COL21A1: variants seen among roughly 807,000 people sequenced by gnomAD.
COL21A1 encodes the protein collagen type XXI alpha 1 chain, also known as collagen alpha-1(XXI) chain.
COL21A1 carries 149 observed loss-of-function variants against 137.9 expected under a neutral mutation model. That is an observed-to-expected ratio of 1.08 (90% confidence interval 0.95 to 1.24). The LOEUF is 1.24. Among genes scored for constraint, COL21A1 ranks in the 50% most tolerant of loss-of-function variants. COL21A1 has a pLI of 0.00. For synonymous variants in COL21A1, 456 were observed against 391.5 expected, an observed-to-expected ratio of 1.16 and a Z score of -1.95; for missense variants, 1,167 against 1,158.4, an observed-to-expected ratio of 1.01 and a Z score of -0.11.
rs539263203 is a variant in COL21A1 at position 56,229,572 on chromosome 6, A to T, written c.-39+17815T>A. On this transcript the variant is annotated intron_variant, in intron 1 of 29. Transcript: ENST00000244728. Reference sequence around the variant, plus strand: ...CCAAAAATTGTTGTGCCTTATAACAACAAACATTTATTTTTTGCTCATACT... The same window carrying T: ...CCAAAAATTGTTGTGCCTTATAACATCAAACATTTATTTTTTGCTCATACT... Among the ~76,000 whole-genome samples the T allele has an allele frequency of 2.0e-5, 3 of 152,042 alleles. No homozygotes were observed. The South Asian group carries it at 6.2e-4, about 32-fold the overall frequency.
intron 1 of COL21A1, among the ~76,000 whole-genome samples, chr6:56,378,249 G>A (rs1418684963): frequency 1.3e-5 from 2 of 152,094 alleles, no homozygotes; most frequent in Non-Finnish European, 2.9e-5. Context: ...GCCACAGTGG[G>A]GCCCCAAGAA....
At chr6:56,207,982 G>C (rs6904899) in intron 1 of COL21A1, among the ~76,000 whole-genome samples, 99,104 of 151,616 alleles carry the variant, frequency 0.65, 32,800 homozygotes, top group East Asian at 0.86. Flanking sequence ...AAATTCAACA[G>C]CCCTTCATGC....
At chr6:56,206,506 C>T (rs567532564) in intron 1 of COL21A1, among the ~76,000 whole-genome samples, 38 of 151,724 alleles carry the variant, frequency 2.5e-4, no homozygotes, top group Non-Finnish European at 5.4e-4. Context: ...TATTGGAGAC[C>T]TACCAAGAGA....
At chr6:56,388,313 G>A (rs939102122) in intron 1 of COL21A1, among the ~76,000 whole-genome samples, 7 of 152,156 alleles carry the variant, frequency 4.6e-5, no homozygotes, top group Non-Finnish European at 1.0e-4. Flanking sequence ...TACTGCATTG[G>A]CTTCAGGTGT....
intron 17 of COL21A1, among the ~76,000 whole-genome samples, chr6:56,097,361 A>G (rs1769424496): frequency 6.6e-6 from 1 of 152,092 alleles, no homozygotes. Context: ...TCTTTGCCTC[A>G]GCACCTTGTT....
chr6:56,085,658 A>G (rs1768175749), intron 17 of COL21A1, among the ~76,000 whole-genome samples: 1 of 151,894 alleles, frequency 6.6e-6, no homozygotes, highest in Non-Finnish European at 1.5e-5. Context: ...CAAAGTCTCT[A>G]TATCAGTAGT....
intron 2 of COL21A1, 90 bp downstream of exon 2, chr6:56,182,441 A>G (rs1328629121): frequency 1.0e-5 from 8 of 791,132 alleles, no homozygotes; most frequent in Non-Finnish European, 1.5e-5. Context: ...AGTAAGAATG[A>G]GATCCTTAAA....
chr6:56,270,448 G>A (rs904376862), intron 1 of COL21A1, among the ~76,000 whole-genome samples: 1 of 152,114 alleles, frequency 6.6e-6, no homozygotes, highest in African/African-American at 2.4e-5. Context: ...AAAAGGCTTA[G>A]ACAGCCATAC....
chr6:56,056,595 C>G lies in COL21A1; in HGVS notation c.*1062G>C, dbSNP rs541148251. ...TATAAAAAAAGACATTGTAATCAGG[C>G]CTGTACAAAACTTTATTATACTCTG... On this transcript the variant is annotated 3_prime_UTR_variant, in exon 30 of 30. Coordinates refer to ENST00000244728, the MANE Select transcript of COL21A1 (RefSeq NM_030820.4). The G allele has an allele frequency of 6.6e-6, 1 of 152,234 alleles. No individual in the cohort carries two copies. The highest frequency in any genetic ancestry group is 1.9e-4 in the East Asian group (1 of 5,176). 9.4% of individuals were successfully genotyped at this position (152,234 alleles called of 1,614,324 possible). A position where few individuals can be genotyped will look rare whatever the true frequency, so the allele number is the denominator to read the frequency against.
intron 1 of COL21A1, among the ~76,000 whole-genome samples, chr6:56,277,230 G>A (rs1258793778): frequency 1.3e-5 from 2 of 151,974 alleles, no homozygotes; most frequent in Non-Finnish European, 2.9e-5. Context: ...GTGCCATGTT[G>A]GTGGGCTGCA....
At chr6:56,142,071 A>G in intron 10 of COL21A1, 88 bp from the exon 11 acceptor site, 1 of 955,336 alleles carries the variant, frequency 1.0e-6, no homozygotes, top group Non-Finnish European at 1.5e-6. Flanking sequence ...TCTTATCTCA[A>G]GTTTCTCATG....
At chr6:56,133,907 T>C (rs990927870) in intron 12 of COL21A1, among the ~76,000 whole-genome samples, 33 of 152,104 alleles carry the variant, frequency 2.2e-4, no homozygotes, top group South Asian at 8.3e-4. Flanking sequence ...AGAGGATGTA[T>C]GGAAATGCCT....
chr6:56,064,160 C>T (rs188755072), intron 24 of COL21A1, among the ~76,000 whole-genome samples: 6 of 152,140 alleles, frequency 3.9e-5, no homozygotes, highest in Non-Finnish European at 8.8e-5. Context: ...TCTGAACAAA[C>T]TAAAGGGAAA....
At chr6:56,213,002 A>G (rs1044493851) in intron 1 of COL21A1, among the ~76,000 whole-genome samples, 2 of 152,104 alleles carry the variant, frequency 1.3e-5, no homozygotes, top group Non-Finnish European at 2.9e-5. Context: ...GAATTTAAGC[A>G]AGAGAGAAAG....
intron 12 of COL21A1, among the ~76,000 whole-genome samples, chr6:56,128,495 A>AT (rs1773230319): frequency 6.6e-6 from 1 of 152,122 alleles, no homozygotes; most frequent in Admixed American, 6.5e-5. Context: ...TGGCTGTGCC[A>AT]TTTCATTGGA....
chr6:56,239,548 C>G (rs926746521), intron 1 of COL21A1, among the ~76,000 whole-genome samples: 1 of 151,782 alleles, frequency 6.6e-6, no homozygotes, highest in African/African-American at 2.4e-5. Context: ...CAACAAAAAG[C>G]CATAATTCAA....
At chr6:56,363,984 C>T (rs1210201552) in intron 1 of COL21A1, among the ~76,000 whole-genome samples, 1 of 152,154 alleles carries the variant, frequency 6.6e-6, no homozygotes, top group Non-Finnish European at 1.5e-5. Context: ...CACTGGACAG[C>T]AAATTTGATG....
chr6:56,060,412 C>A, intron 27 of COL21A1, 194 bp from the exon 28 acceptor site: 1 of 545,540 alleles, frequency 1.8e-6, no homozygotes, highest in African/African-American at 2.0e-5. Context: ...TTTATTAGAG[C>A]AATTGCTTAA....
intron 1 of COL21A1, among the ~76,000 whole-genome samples, chr6:56,332,590 C>CG (rs1582788425): frequency 4.0e-5 from 6 of 149,276 alleles, no homozygotes; most frequent in East Asian, 2.0e-4. Context: ...GCCCCCCCGC[C>CG]CCCGCCAAAA....
Sources: gnomAD v4.1 joint callset for allele counts (sites outside exome capture counted in the v4.1 genomes callset) on GRCh38, gnomAD v4.1.1 for gene constraint, MANE v1.5 for transcripts, NCBI Gene and HGNC (gene_info 2026-07-23, HGNC 2026-07-21) for gene names.